LRP1B: variants seen among roughly 807,000 people sequenced by gnomAD.
LRP1B encodes LDL receptor related protein 1B, also known as low-density lipoprotein receptor-related protein 1B.
In LRP1B, 217 loss-of-function variants were observed where a neutral mutation model predicts 556.6. The observed-to-expected ratio is 0.39, with a 90% CI of 0.35 to 0.44. LRP1B has a LOEUF of 0.44. LRP1B is among the 20% of genes least tolerant of loss of function. LRP1B has a pLI of 1.00. For synonymous variants in LRP1B, 2,047 were observed against 1,865.8 expected (o/e 1.10, Z -2.50); for missense variants, 5,053 against 5,620.8 (o/e 0.90, Z 3.23).
intron 3 of LRP1B, among the ~76,000 whole-genome samples, chr2:141,438,888 T>C (rs1680862481): frequency 6.6e-6 from 1 of 152,136 alleles, no homozygotes; most frequent in Non-Finnish European, 1.5e-5. Flanking sequence ...TAGACATATG[T>C]TTACTATCTT....
At position 140,868,262 on chromosome 2, in the gene LRP1B, T is replaced by C; in HGVS notation, c.4171A>G (p.Ile1391Val). The change falls in exon 26 of 91, where the codon ATT (isoleucine) becomes GTT (valine). Residue 1391 changes from isoleucine to valine, a missense_variant and splice_region_variant. Coordinates refer to ENST00000389484, the MANE Select transcript of LRP1B (RefSeq NM_018557.3). ...GCATCCCAGTCTGTCCAGAAAAGAA[T>C]TCTAAAAAAAAAAAAAAAAAAAGAA... is the stretch of plus-strand genomic sequence containing the variant. ...RAIALDPRYG[I>V]LFWTDWDANF... 6.9e-7 allele frequency: 1 copy of C among 1,455,192 alleles called. No homozygotes were observed. Among genetic ancestry groups the C allele is most frequent in the Middle Eastern group, 2.2e-4 (1 of 4,484 alleles). The allele number at this position is 1,455,192 out of a possible 1,614,324, so 90.1% of individuals were successfully genotyped here.
intron 18 of LRP1B, among the ~76,000 whole-genome samples, chr2:140,963,388 A>G (rs770277553): frequency 2.0e-4 from 31 of 151,956 alleles, no homozygotes; most frequent in Non-Finnish European, 3.1e-4. Flanking sequence ...TTTTTACATA[A>G]TTATTTCCTT....
At chr2:141,604,293 C>T (rs2105313147) in intron 2 of LRP1B, among the ~76,000 whole-genome samples, 1 of 152,160 alleles carries the variant, frequency 6.6e-6, no homozygotes, top group Non-Finnish European at 1.5e-5. Flanking sequence ...AATGTTATGC[C>T]ATGTTATAAC....
At chr2:141,288,299 C>A (rs1056635419) in intron 3 of LRP1B, among the ~76,000 whole-genome samples, 13 of 149,744 alleles carry the variant, frequency 8.7e-5, no homozygotes, top group Non-Finnish European at 1.5e-4. Context: ...AAAAAAAAAT[C>A]TTTTATATTT....
chr2:141,099,125 C>G (rs149693241), intron 7 of LRP1B, among the ~76,000 whole-genome samples: 2 of 152,238 alleles, frequency 1.3e-5, no homozygotes, highest in Middle Eastern at 3.4e-3. Flanking sequence ...CTAAAACCCA[C>G]TTTTAAAGAT....
At chr2:141,309,904 A>G (rs1274039521) in intron 3 of LRP1B, among the ~76,000 whole-genome samples, 1 of 152,102 alleles carries the variant, frequency 6.6e-6, no homozygotes, top group Non-Finnish European at 1.5e-5. Context: ...AAAGAAAGAT[A>G]AGTGTTCCTT....
chr2:142,001,927 T>A (rs974785644), intron 1 of LRP1B, among the ~76,000 whole-genome samples: 2 of 152,196 alleles, frequency 1.3e-5, no homozygotes, highest in Non-Finnish European at 2.9e-5. Flanking sequence ...AGCTTATGTT[T>A]ATTTTAATGG....
At chr2:140,588,274 AATTAT>A (rs1682067591) in intron 43 of LRP1B, among the ~76,000 whole-genome samples, 1 of 152,176 alleles carries the variant, frequency 6.6e-6, no homozygotes, top group Non-Finnish European at 1.5e-5. Context: ...TCTTGAAGAT[AATTAT>A]ATTACAAACA....
intron 67 of LRP1B, among the ~76,000 whole-genome samples, chr2:140,381,307 T>A (rs1392261321): frequency 2.0e-5 from 3 of 152,134 alleles, no homozygotes; most frequent in African/African-American, 7.2e-5. Context: ...AAAAACAACA[T>A]GACTGTAGTA....
intron 2 of LRP1B, among the ~76,000 whole-genome samples, chr2:141,598,456 A>G (rs1383964421): frequency 1.3e-5 from 2 of 152,140 alleles, no homozygotes; most frequent in African/African-American, 2.4e-5. Context: ...TAGTTTAAAG[A>G]GCTCTTCACC....
chr2:140,629,284 T>A (rs891891548), intron 41 of LRP1B, among the ~76,000 whole-genome samples: 4 of 151,468 alleles, frequency 2.6e-5, no homozygotes, highest in African/African-American at 9.7e-5. Flanking sequence ...ACTAGGCTGG[T>A]CTCAAACTCC....
chr2:140,302,478 A>C (rs1020108888), intron 83 of LRP1B, among the ~76,000 whole-genome samples: 1 of 152,190 alleles, frequency 6.6e-6, no homozygotes, highest in Non-Finnish European at 1.5e-5. Flanking sequence ...TTAGTTAGCA[A>C]AGTGCTTTGC....
At chr2:141,964,108 T>C (rs897569429) in intron 1 of LRP1B, among the ~76,000 whole-genome samples, 7 of 146,634 alleles carry the variant, frequency 4.8e-5, no homozygotes, top group Non-Finnish European at 1.1e-4. Context: ...TACAAACAAA[T>C]GGAAGAACAT....
chr2:141,316,013 C>T (rs1009261851), intron 3 of LRP1B, among the ~76,000 whole-genome samples: 2 of 147,084 alleles, frequency 1.4e-5, no homozygotes, highest in African/African-American at 5.0e-5. Context: ...TACTATAGGG[C>T]TCAATGTAAC....
At chr2:141,872,697 A>G (rs1189408025) in intron 1 of LRP1B, among the ~76,000 whole-genome samples, 1 of 151,882 alleles carries the variant, frequency 6.6e-6, no homozygotes, top group East Asian at 1.9e-4. Context: ...ATATTGTAAA[A>G]ATAAAGAAAA....
At position 140,547,285 on chromosome 2, in the gene LRP1B, G is replaced by A. The variant is rs182390620; in HGVS notation, c.7195-5314C>T. 4.3e-3 allele frequency among the ~76,000 whole-genome samples: 646 copies of A among 151,946 alleles called. 1 individual carries two copies. Among genetic ancestry groups the A allele is most frequent in the Middle Eastern group, 0.01 (3 of 294 alleles). Reference sequence around the variant, plus strand: ...TTTGGCTGTGAATCATCTGGTCCTGGGTTTTTTTTGGTTGGTGGGCTATTT... The same window carrying A: ...TTTGGCTGTGAATCATCTGGTCCTGAGTTTTTTTTGGTTGGTGGGCTATTT... On this transcript the variant is annotated intron_variant, in intron 43 of 90. Transcript: ENST00000389484.
chr2:140,899,440 C>A (rs542269289), intron 23 of LRP1B, among the ~76,000 whole-genome samples: 1 of 152,206 alleles, frequency 6.6e-6, no homozygotes, highest in African/African-American at 2.4e-5. Flanking sequence ...GGGAGTGCTG[C>A]CTGGTAACAG....
intron 66 of LRP1B, among the ~76,000 whole-genome samples, chr2:140,399,176 C>CACACATACACACACACACACACACA (rs70985098): frequency 3.3e-5 from 5 of 151,824 alleles, no homozygotes; most frequent in Middle Eastern, 3.4e-3. Context: ...CACACACACA[C>CACACATACACACACACACACACACA]ACACACACAC....
intron 52 of LRP1B, among the ~76,000 whole-genome samples, chr2:140,508,994 C>G (rs149421778): frequency 1.0e-3 from 158 of 151,792 alleles, no homozygotes; most frequent in African/African-American, 3.6e-3. Context: ...GAGTTCTGTG[C>G]AAATAGGTCT....
Sources: gnomAD v4.1 joint callset for allele counts (sites outside exome capture counted in the v4.1 genomes callset) on GRCh38, gnomAD v4.1.1 for gene constraint, MANE v1.5 for transcripts, NCBI Gene and HGNC (gene_info 2026-07-23, HGNC 2026-07-21) for gene names.